The following XXYLT1 variants were observed in gnomAD, a reference collection of about 807,000 sequenced individuals.
XXYLT1 encodes the protein xyloside xylosyltransferase 1.
Under a neutral mutation model 28.9 loss-of-function variants are expected in XXYLT1, and 20 were observed. That is an observed-to-expected ratio of 0.69 (90% CI 0.49 to 1.00). The LOEUF is 1.00. Among genes scored for constraint, XXYLT1 ranks in the 50% least tolerant of loss-of-function variants. The probability of loss-of-function intolerance (pLI) is 0.00; values close to 1 mark genes in which losing one functional copy is unlikely to be tolerated. For synonymous variants in XXYLT1, 257 were observed against 253.8 expected, an observed-to-expected ratio of 1.01 and a Z score of -0.12; for missense variants, 542 against 560.1, an observed-to-expected ratio of 0.97 and a Z score of 0.33.
At chr3:195,206,049 G>T (rs1723058529) in intron 2 of XXYLT1, among the ~76,000 whole-genome samples, 1 of 145,170 alleles carries the variant, frequency 6.9e-6, no homozygotes, top group African/African-American at 2.6e-5. Flanking sequence ...TTTTGAGAGG[G>T]AGTCTCACTC....
In XXYLT1 at chr3:195,255,484, G is replaced by C. The variant is rs1474517439; in HGVS notation, c.504+15071C>G. Among the ~76,000 whole-genome samples the C allele has an allele frequency of 6.7e-6, 1 of 149,656 alleles. No individual in the cohort carries two copies. Among genetic ancestry groups the C allele is most frequent in the African/African-American group, 2.4e-5 (1 of 41,360 alleles). On this transcript the variant is annotated intron_variant, in intron 1 of 3. Coordinates refer to ENST00000310380, the MANE Select transcript of XXYLT1 (RefSeq NM_152531.5). The surrounding 1 kb of genome is among the most constrained non-coding windows in gnomAD (Gnocchi z 4.5). ...GAGGAGGCTGCAAAGCTTCCTTCTG[G>C]AGCAGCCGATCAGTGGACGTGGAGC...
intron 1 of XXYLT1, among the ~76,000 whole-genome samples, chr3:195,229,158 T>C (rs2108805695): frequency 6.6e-6 from 1 of 152,316 alleles, no homozygotes; most frequent in Middle Eastern, 3.4e-3. Flanking sequence ...TTTTAACCTA[T>C]ATCTCTCTTA....
intron 3 of XXYLT1, among the ~76,000 whole-genome samples, chr3:195,155,895 G>T (rs953788374): frequency 6.6e-6 from 1 of 151,950 alleles, no homozygotes; most frequent in Non-Finnish European, 1.5e-5. Flanking sequence ...TACAAATAAC[G>T]CTACAGTGAA....
In XXYLT1 at chr3:195,216,997, G is replaced by T. The variant is rs1459366744; in HGVS notation, c.652+9712C>A. Among the ~76,000 whole-genome samples, 6 of 129,834 alleles carry T rather than the reference G, an allele frequency of 4.6e-5. 1 individual carries two copies. The highest frequency in any genetic ancestry group is 2.2e-4 in the African/African-American group (6 of 26,986). 85.2% of individuals were successfully genotyped at this position (129,834 alleles called of 152,430 possible). The stretch of plus-strand genomic sequence containing the variant: ...GTGGGCTTCATCCCTGGGATGCAAG[G>T]CTGGTTCAATATACGCAAATCAATA... On this transcript the variant is annotated intron_variant, in intron 2 of 3. Coordinates refer to ENST00000310380, the MANE Select transcript of XXYLT1 (RefSeq NM_152531.5).
At position 195,143,831 on chromosome 3, in the gene XXYLT1, G is replaced by GATATAGATATAGATATATATATAGATAT. The variant is rs1560117087; in HGVS notation, c.785+12590_785+12617dup. 9.3e-3 allele frequency among the ~76,000 whole-genome samples: 608 copies of GATATAGATATAGATATATATATAGATAT among 65,686 alleles called. 37 individuals are homozygous for GATATAGATATAGATATATATATAGATAT. Among genetic ancestry groups the GATATAGATATAGATATATATATAGATAT allele is most frequent in the African/African-American group, 0.035 (583 of 16,456 alleles). The allele number at this position is 65,686 out of a possible 152,430, so 43.1% of individuals were successfully genotyped here. On this transcript the variant is annotated intron_variant, in intron 3 of 3. Coordinates refer to ENST00000310380, the MANE Select transcript of XXYLT1 (RefSeq NM_152531.5). Reference sequence around the variant, plus strand: ...ATATATATAGATATAGATATATATAGATATAGATATAGATATATATATAGA... The same window carrying GATATAGATATAGATATATATATAGATAT: ...ATATATATAGATATAGATATATATAGATATAGATATAGATATATATATAGATATATATAGATATAGATATATATATAGA...
At chr3:195,192,094 C>G (rs1174474815) in intron 2 of XXYLT1, among the ~76,000 whole-genome samples, 1 of 152,202 alleles carries the variant, frequency 6.6e-6, no homozygotes, top group Non-Finnish European at 1.5e-5. Context: ...CTGAGACAGA[C>G]TACATACTAG....
At chr3:195,143,365 C>T (rs1269914012) in intron 3 of XXYLT1, among the ~76,000 whole-genome samples, 1 of 152,182 alleles carries the variant, frequency 6.6e-6, no homozygotes, top group Admixed American at 6.5e-5. Flanking sequence ...GTCTGGTGCA[C>T]AGATGTGGTT....
chr3:195,154,595 G>T (rs542014940), intron 3 of XXYLT1, among the ~76,000 whole-genome samples: 1 of 152,104 alleles, frequency 6.6e-6, no homozygotes, highest in Non-Finnish European at 1.5e-5. Context: ...AACACACTGC[G>T]CTCCCTCCCA....
intron 3 of XXYLT1, among the ~76,000 whole-genome samples, chr3:195,134,867 G>A (rs1364299483): frequency 2.0e-5 from 2 of 98,694 alleles, no homozygotes; most frequent in Non-Finnish European, 4.1e-5. Context: ...GTGTGTGTGT[G>A]TGCGTGTGCG....
Position 195,226,803 on chromosome 3 carries a change from C to T in XXYLT1, c.558G>A (p.Glu186=). Reference sequence around the variant, plus strand: ...CAGCACTGAAGTGCTTCTGCATGGCCTCCACGATGGGGAAGAGCTTATCCG... The same window carrying T: ...CAGCACTGAAGTGCTTCTGCATGGCTTCCACGATGGGGAAGAGCTTATCCG... ...VLTDKLFPIV[E]AMQKHFSAGL... The change falls in exon 2 of 4, where the codon GAG becomes GAA. Residue 186 remains glutamate (E), a synonymous_variant. Transcript: ENST00000310380. 2 of 1,613,732 alleles carry T rather than the reference C, an allele frequency of 1.2e-6. No homozygotes were observed. The highest frequency in any genetic ancestry group is 2.2e-5 in the South Asian group (2 of 91,026).
chr3:195,112,758 C>T lies in XXYLT1; in HGVS notation c.786-42647G>A, dbSNP rs1019320826. ...TGGTAGGAACAGCTGAAGCAGTGCG[C>T]GCATGCACACACACACACCCATGCA... On this transcript the variant is annotated intron_variant, in intron 3 of 3. Transcript: ENST00000310380. Among the ~76,000 whole-genome samples, 16 of 123,580 alleles carry T rather than the reference C, an allele frequency of 1.3e-4. No homozygotes were observed. The East Asian group carries it at 1.4e-3, about 11-fold the overall frequency. 81.1% of individuals were successfully genotyped at this position (123,580 alleles called of 152,430 possible). A position where few individuals can be genotyped will look rare whatever the true frequency, so the allele number is the denominator to read the frequency against.
At chr3:195,202,138 C>T (rs542736893) in intron 2 of XXYLT1, among the ~76,000 whole-genome samples, 3 of 152,142 alleles carry the variant, frequency 2.0e-5, no homozygotes, top group Admixed American at 6.5e-5. Flanking sequence ...GATCGTGCCA[C>T]TGCACTCCTG....
At chr3:195,106,801 C>T (rs1365011336) in intron 3 of XXYLT1, among the ~76,000 whole-genome samples, 1 of 152,234 alleles carries the variant, frequency 6.6e-6, no homozygotes, top group Non-Finnish European at 1.5e-5. Flanking sequence ...AGCTGTCTGG[C>T]TTCCGTCCTA....
At chr3:195,185,108 AGG>A (rs2108743638) in intron 2 of XXYLT1, among the ~76,000 whole-genome samples, 1 of 124,194 alleles carries the variant, frequency 8.1e-6, no homozygotes. Context: ...GAAGGAAGGA[AGG>A]AAGGAAGGAA....
chr3:195,115,549 G>T lies in XXYLT1; in HGVS notation c.785+40900C>A, dbSNP rs1319787777. ...GTTTCTGCTTCCTACGCGATCCCTG[G>T]TTGATAAACCCTGCCTGGCAAACCG... On this transcript the variant is annotated intron_variant, in intron 3 of 3. Coordinates refer to ENST00000310380, the MANE Select transcript of XXYLT1 (RefSeq NM_152531.5). This position sits in a 1 kb window ranked among gnomAD's most constrained non-coding sequence, Gnocchi z 4.2. 1.3e-5 allele frequency among the ~76,000 whole-genome samples: 2 copies of T among 152,202 alleles called. No homozygotes were observed. The highest frequency in any genetic ancestry group is 2.4e-5 in the African/African-American group (1 of 41,438).
intron 3 of XXYLT1, among the ~76,000 whole-genome samples, chr3:195,086,338 GAAAAT>G (rs1296390094): frequency 6.6e-6 from 1 of 152,214 alleles, no homozygotes; most frequent in Non-Finnish European, 1.5e-5. Context: ...GTCTGCTTCA[GAAAAT>G]AAACAACTTA....
chr3:195,088,420 G>A (rs1167519675), intron 3 of XXYLT1, among the ~76,000 whole-genome samples: 2 of 145,260 alleles, frequency 1.4e-5, no homozygotes, highest in Admixed American at 7.0e-5. Flanking sequence ...CCCCAGCGGG[G>A]CACCTCACAG....
chr3:195,119,962 T>A (rs1302123666), intron 3 of XXYLT1, among the ~76,000 whole-genome samples: 5 of 152,132 alleles, frequency 3.3e-5, no homozygotes, highest in Non-Finnish European at 7.4e-5. Flanking sequence ...TGTCCCTGCA[T>A]TCCCTTGGGA....
At chr3:195,146,306 T>C (rs1719844165) in intron 3 of XXYLT1, among the ~76,000 whole-genome samples, 1 of 152,274 alleles carries the variant, frequency 6.6e-6, no homozygotes, top group African/African-American at 2.4e-5. Flanking sequence ...GGAAGATGCT[T>C]ACAGATAAGC....
Sources: gnomAD v4.1 joint callset for allele counts (sites outside exome capture counted in the v4.1 genomes callset) on GRCh38, gnomAD v4.1.1 for gene constraint, Gnocchi (gnomAD v3.1) non-coding constraint, MANE v1.5 for transcripts, NCBI Gene and HGNC (gene_info 2026-07-23, HGNC 2026-07-21) for gene names.